The following WRN variants were observed in gnomAD, a reference collection of about 807,000 sequenced individuals.
WRN encodes the protein WRN RecQ like helicase.
Under a neutral mutation model 180.7 loss-of-function variants are expected in WRN, and 149 were observed. The ratio of observed to expected loss-of-function variants is 0.82; its 90% CI spans 0.72 to 0.94. The LOEUF is 0.94. WRN is among the 40% of genes least tolerant of loss of function. The pLI is 0.00. For synonymous variants in WRN, 548 were observed against 568.9 expected (o/e 0.96, Z 0.52); for missense variants, 1,661 against 1,700.1 (o/e 0.98, Z 0.40).
At chr8:31,075,713 C>T (rs1000555074) in intron 7 of WRN, among the ~76,000 whole-genome samples, 5 of 144,832 alleles carry the variant, frequency 3.5e-5, no homozygotes, top group African/African-American at 1.3e-4. Flanking sequence ...GAGTGAGACT[C>T]TGTCTCAAAA....
Position 31,142,807 on chromosome 8 carries a change from A to G in WRN, c.3309+106A>G, listed in dbSNP as rs1473259724. The stretch of plus-strand genomic sequence containing the variant: ...TTTCCAATTAAAGAGAAAATGGCAT[A>G]TATAACAAAGCATAAAATTCGGCCA... On this transcript the variant is annotated intron_variant, in intron 27 of 34. Coordinates refer to ENST00000298139, the MANE Select transcript of WRN (RefSeq NM_000553.6). The G allele has an allele frequency of 7.8e-6, 8 of 1,032,228 alleles. No homozygotes were observed. The East Asian group carries it at 2.2e-4, about 28-fold the overall frequency. 63.9% of individuals were successfully genotyped at this position (1,032,228 alleles called of 1,614,324 possible). A position where few individuals can be genotyped will look rare whatever the true frequency, so the allele number is the denominator to read the frequency against.
At chr8:31,075,526 C>T (rs1390056058) in intron 7 of WRN, among the ~76,000 whole-genome samples, 1 of 151,188 alleles carries the variant, frequency 6.6e-6, no homozygotes, top group East Asian at 1.9e-4. Flanking sequence ...GCCTGGCCAC[C>T]ATTGCGAAAC....
intron 1 of WRN, among the ~76,000 whole-genome samples, chr8:31,045,942 C>T (rs190173424): frequency 6.6e-6 from 1 of 152,208 alleles, no homozygotes; most frequent in Admixed American, 6.5e-5. Flanking sequence ...TGTGCCGAAA[C>T]GCAGTGTGTC....
At chr8:31,059,095 T>C (rs962699213) in intron 2 of WRN, 58 bp from the exon 3 acceptor site, 3 of 1,259,298 alleles carry the variant, frequency 2.4e-6, no homozygotes, top group Admixed American at 1.7e-5. Context: ...ATTATTTCAG[T>C]GAACATTTGT....
At chr8:31,051,785 G>A (rs912437797) in intron 1 of WRN, among the ~76,000 whole-genome samples, 2 of 152,106 alleles carry the variant, frequency 1.3e-5, no homozygotes, top group Non-Finnish European at 2.9e-5. Flanking sequence ...TGTTAATAAC[G>A]CCAGCCTTGA....
chr8:31,077,532 G>A (rs559305959), intron 8 of WRN, among the ~76,000 whole-genome samples: 5 of 152,248 alleles, frequency 3.3e-5, no homozygotes, highest in South Asian at 2.1e-4. Context: ...GTTAGCCACC[G>A]CGCCCAGCCT....
intron 34 of WRN, 47 bp downstream of exon 34, chr8:31,167,277 T>G: frequency 6.7e-7 from 1 of 1,493,826 alleles, no homozygotes; most frequent in East Asian, 2.4e-5. Flanking sequence ...TTTGTTCAAT[T>G]TGCATATCCT....
chr8:31,111,595 AT>A lies in WRN; in HGVS notation c.2089-19del. The A allele has an allele frequency of 6.2e-7, 1 of 1,613,548 alleles. No homozygotes were observed. The highest frequency in any genetic ancestry group is 8.5e-7 in the Non-Finnish European group (1 of 1,179,634). On this transcript the variant is annotated intron_variant, in intron 18 of 34. Transcript: ENST00000298139. ...GAATGAGCTCTTTCCTTTTTAAAAT[AT>A]CAGTTTTACATCATTCAGGTTCCAA...
chr8:31,104,783 CT>C (rs1801029047), intron 18 of WRN, among the ~76,000 whole-genome samples: 2 of 152,238 alleles, frequency 1.3e-5, no homozygotes, highest in African/African-American at 4.8e-5. Flanking sequence ...GCGTTTGCCC[CT>C]TTGTTGAAAG....
chr8:31,068,461 G>C, intron 7 of WRN, 134 bp downstream of exon 7: 1 of 725,016 alleles, frequency 1.4e-6, no homozygotes, highest in Non-Finnish European at 2.3e-6. Context: ...CTGACATTAG[G>C]GTGGGATCCA....
intron 26 of WRN, among the ~76,000 whole-genome samples, 178 bp downstream of exon 26, chr8:31,141,953 ACTTTT>A (rs1390297739): frequency 6.6e-6 from 1 of 151,620 alleles, no homozygotes; most frequent in African/African-American, 2.4e-5. Flanking sequence ...GTCATAGAGC[ACTTTT>A]CTTTTTTAAG....
intron 33 of WRN, among the ~76,000 whole-genome samples, chr8:31,166,300 T>C (rs1803857485): frequency 6.6e-6 from 1 of 152,116 alleles, no homozygotes; most frequent in Admixed American, 6.6e-5. Context: ...CTCTGGAGCA[T>C]TGCAGAAGAA....
intron 1 of WRN, among the ~76,000 whole-genome samples, chr8:31,037,689 G>T (rs186538671): frequency 4.3e-4 from 65 of 152,306 alleles, no homozygotes; most frequent in Admixed American, 1.8e-3. Context: ...TCAAAAATCA[G>T]TTGGCTATAA....
intron 13 of WRN, 118 bp downstream of exon 13, chr8:31,089,083 C>T (rs1228011324): frequency 1.4e-5 from 11 of 795,452 alleles, no homozygotes; most frequent in Non-Finnish European, 2.3e-5. Flanking sequence ...GTTATACATG[C>T]CACACTGTAT....
intron 33 of WRN, among the ~76,000 whole-genome samples, chr8:31,164,710 C>T (rs557915687): frequency 3.3e-5 from 5 of 152,130 alleles, no homozygotes; most frequent in South Asian, 2.1e-4. Context: ...ATTTTATTCC[C>T]CCATTCTTAA....
At chr8:31,145,490 T>A (rs1189720473) in intron 28 of WRN, among the ~76,000 whole-genome samples, 1 of 152,174 alleles carries the variant, frequency 6.6e-6, no homozygotes, top group Non-Finnish European at 1.5e-5. Context: ...AAAAGATTCC[T>A]TTCAAAATGT....
intron 8 of WRN, among the ~76,000 whole-genome samples, chr8:31,077,412 T>TA (rs1813139159): frequency 6.6e-6 from 1 of 151,712 alleles, no homozygotes; most frequent in Non-Finnish European, 1.5e-5. Context: ...GGCTAATTTT[T>TA]TTTTTATTTT....
At chr8:31,087,543 A>G in intron 11 of WRN, 2 of 464,230 alleles carry the variant, frequency 4.3e-6, no homozygotes, top group Non-Finnish European at 7.9e-6. Context: ...ATTATATGCT[A>G]TTAATGAGCC....
At chr8:31,168,674 C>A (rs759579912) in intron 34 of WRN, among the ~76,000 whole-genome samples, 12 of 152,108 alleles carry the variant, frequency 7.9e-5, no homozygotes, top group Non-Finnish European at 1.8e-4. Flanking sequence ...TCTTCATTAG[C>A]CTCCCTGTAT....
Sources: allele counts gnomAD v4.1 joint callset (sites outside exome capture counted in the v4.1 genomes callset), GRCh38; gene constraint gnomAD v4.1.1; transcripts MANE v1.5; gene names NCBI Gene and HGNC (gene_info 2026-07-23, HGNC 2026-07-21).